LRCH2: variants seen among roughly 807,000 people sequenced by gnomAD.
The protein encoded by LRCH2 is leucine-rich repeat and calponin homology domain-containing protein 2.
Under a neutral mutation model 68.9 loss-of-function variants are expected in LRCH2, and 38 were observed. The observed-to-expected ratio is 0.55, with a 90% confidence interval of 0.43 to 0.72. The LOEUF is 0.72. Ranked by LOEUF, LRCH2 falls within the 30% of genes least tolerant of loss-of-function variation. The pLI is 0.00. For synonymous variants in LRCH2, 191 were observed against 208.1 expected (o/e 0.92, Z 0.71); for missense variants, 528 against 572.9 (o/e 0.92, Z 0.80).
intron 14 of LRCH2, among the ~76,000 whole-genome samples, chrX:115,148,131 T>C (rs1556537066): frequency 8.9e-6 from 1 of 112,206 alleles, no homozygotes. Context: ...GCTGATATGA[T>C]ATTAAGCTAT....
At chrX:115,173,655 G>A in intron 5 of LRCH2, among the ~76,000 whole-genome samples, 1 of 111,482 alleles carries the variant, frequency 9.0e-6, no homozygotes, top group Non-Finnish European at 1.9e-5. Context: ...CCACCACCCT[G>A]ACTGAACTCC....
At position 115,130,266 on chromosome X, in the gene LRCH2, T is replaced by C. The variant is rs782355062; in HGVS notation, c.1696-67A>G. ...ATATAAATTCTCTACTAGTAAATTA[T>C]GTACAAGGTTCTTTCATATTTTGGT... is the stretch of plus-strand genomic sequence containing the variant. On this transcript the variant is annotated intron_variant, in intron 14 of 20. Coordinates refer to ENST00000317135, the MANE Select transcript of LRCH2 (RefSeq NM_020871.4). The C allele has an allele frequency of 2.1e-4, 114 of 554,892 alleles. No individual in the cohort carries two copies. In the South Asian group the frequency reaches 3.8e-3, roughly 18 times the overall value. The allele number at this position is 554,892 out of a possible 1,213,427, so 45.7% of individuals were successfully genotyped here.
At chrX:115,228,871 A>T (rs997858257) in intron 1 of LRCH2, among the ~76,000 whole-genome samples, 22 of 111,012 alleles carry the variant, frequency 2.0e-4, no homozygotes, top group Non-Finnish European at 1.1e-4. Context: ...ACAGTTCCAG[A>T]TCTCTTATGT....
intron 3 of LRCH2, among the ~76,000 whole-genome samples, chrX:115,183,556 G>A: frequency 9.0e-6 from 1 of 110,623 alleles, no homozygotes; most frequent in Non-Finnish European, 1.9e-5. Flanking sequence ...TAAGTTGGGT[G>A]TGGTGGCGCA....
At chrX:115,127,618 TTA>T (rs2072210407) in intron 15 of LRCH2, among the ~76,000 whole-genome samples, 1 of 110,814 alleles carries the variant, frequency 9.0e-6, no homozygotes, top group Non-Finnish European at 1.9e-5. Flanking sequence ...GCATGGCATA[TTA>T]TGAGGCACAG....
At chrX:115,137,024 T>C (rs1371979115) in intron 14 of LRCH2, among the ~76,000 whole-genome samples, 1 of 112,093 alleles carries the variant, frequency 8.9e-6, no homozygotes, top group African/African-American at 3.2e-5. Context: ...TCAAAGACAT[T>C]TATCATTTCT....
rs782515420 is a variant in LRCH2 at position 115,184,521 on chromosome X, T to A, written c.511A>T (p.Thr171Ser). The change falls in exon 3 of 21, where the codon ACA becomes TCA. Residue 171 changes from threonine to serine, a missense_variant. By Grantham distance (58) the Thr-to-Ser change is moderately conservative. Transcript: ENST00000317135. The stretch of plus-strand genomic sequence containing the variant: ...AGATCAAATAGGTATTTTGGCAATG[T>A]TGATAAAAGATTTCGGCTGAAAAGA... ...YLNISRNLLS[T>S]LPKYLFDLPL... is the part of the protein sequence containing the mutation. 1 of 1,171,203 alleles carries A rather than the reference T, an allele frequency of 8.5e-7. No individual in the cohort carries two copies. Among genetic ancestry groups the A allele is most frequent in the Non-Finnish European group, 1.1e-6 (1 of 876,929 alleles).
chrX:115,171,536 C>T (rs2072604545), intron 5 of LRCH2, among the ~76,000 whole-genome samples: 1 of 110,821 alleles, frequency 9.0e-6, no homozygotes, highest in South Asian at 3.8e-4. Context: ...ATCTTAATTA[C>T]CAAATTAAGT....
intron 1 of LRCH2, among the ~76,000 whole-genome samples, chrX:115,226,716 C>T (rs1159514341): frequency 9.0e-6 from 1 of 111,084 alleles, no homozygotes; most frequent in Admixed American, 9.6e-5. Context: ...GAATAACTCC[C>T]AAGTTTTAGA....
chrX:115,119,561 G>A (rs1174969126), intron 20 of LRCH2, among the ~76,000 whole-genome samples: 1 of 69,674 alleles, frequency 1.4e-5, no homozygotes, highest in Non-Finnish European at 2.7e-5. Context: ...TCATGGGTAG[G>A]AAGAATCAAT....
chrX:115,114,693 A>G, intron 20 of LRCH2, among the ~76,000 whole-genome samples: 1 of 111,118 alleles, frequency 9.0e-6, no homozygotes, highest in East Asian at 2.8e-4. Flanking sequence ...TACCAAAATG[A>G]TAATAAGGAG....
intron 14 of LRCH2, among the ~76,000 whole-genome samples, chrX:115,133,723 G>A (rs781950988): frequency 3.6e-5 from 4 of 111,441 alleles, no homozygotes; most frequent in South Asian, 7.6e-4. Context: ...ATAAGAAAGC[G>A]AACTTAATCG....
intron 6 of LRCH2, among the ~76,000 whole-genome samples, chrX:115,169,778 A>G (rs1487254904): frequency 9.0e-6 from 1 of 111,494 alleles, no homozygotes; most frequent in Non-Finnish European, 1.9e-5. Flanking sequence ...CAGAATGTTC[A>G]ATCTACTATC....
intron 5 of LRCH2, among the ~76,000 whole-genome samples, chrX:115,178,065 T>A (rs989240707): frequency 8.5e-4 from 95 of 111,957 alleles, no homozygotes; most frequent in Non-Finnish European, 4.1e-4. Context: ...CAAGTACAAA[T>A]GGGATGGTGC....
chrX:115,209,352 T>C (rs1447878711), intron 1 of LRCH2, among the ~76,000 whole-genome samples: 4 of 111,758 alleles, frequency 3.6e-5, no homozygotes, highest in African/African-American at 1.3e-4. Context: ...GGGGCAAGTC[T>C]TTCCCATGCT....
In LRCH2 at chrX:115,179,416, T is replaced by G; in HGVS notation, c.864+11A>C. The G allele has an allele frequency of 9.3e-7, 1 of 1,076,668 alleles. No individual in the cohort carries two copies. The highest frequency in any genetic ancestry group is 1.2e-6 in the Non-Finnish European group (1 of 825,236). The allele number at this position is 1,076,668 out of a possible 1,213,427, so 88.7% of individuals were successfully genotyped here. Reference sequence around the variant, plus strand: ...AATGAGAAGAAACATTATAATATTTTTATTACAAACCTGTGCTGGTGGTAC... The same window carrying G: ...AATGAGAAGAAACATTATAATATTTGTATTACAAACCTGTGCTGGTGGTAC... On this transcript the variant is annotated intron_variant, in intron 5 of 20. Coordinates refer to ENST00000317135, the MANE Select transcript of LRCH2 (RefSeq NM_020871.4).
chrX:115,166,445 G>T, intron 6 of LRCH2, 103 bp from the exon 7 acceptor site: 1 of 488,594 alleles, frequency 2.0e-6, no homozygotes, highest in Non-Finnish European at 3.4e-6. Flanking sequence ...ATATACTTTT[G>T]ATGTCTAAGA....
intron 1 of LRCH2, among the ~76,000 whole-genome samples, chrX:115,228,929 G>A (rs1295316077): frequency 9.0e-6 from 1 of 110,870 alleles, no homozygotes; most frequent in African/African-American, 3.3e-5. Flanking sequence ...ATATATTATA[G>A]TGAAATTCTT....
At chrX:115,173,572 C>A (rs185557586) in intron 5 of LRCH2, among the ~76,000 whole-genome samples, 20 of 111,671 alleles carry the variant, frequency 1.8e-4, no homozygotes, top group Non-Finnish European at 2.4e-4. Flanking sequence ...GCTATGCAAC[C>A]CCCCCAGCCT....
Sources: gnomAD v4.1 joint callset for allele counts (sites outside exome capture counted in the v4.1 genomes callset) on GRCh38, gnomAD v4.1.1 for gene constraint, MANE v1.5 for transcripts, NCBI Gene and HGNC (gene_info 2026-07-23, HGNC 2026-07-21) for gene names.